The following PCNX2 variants were observed in gnomAD, a reference collection of about 807,000 sequenced individuals.
PCNX2 encodes pecanex-like protein 2.
In PCNX2, 168 loss-of-function variants were observed where a neutral mutation model predicts 223.8. The ratio of observed to expected loss-of-function variants is 0.75; its 90% CI spans 0.66 to 0.85. PCNX2 has a LOEUF of 0.85. Ranked by LOEUF, PCNX2 falls within the 40% of genes least tolerant of loss-of-function variation. The pLI, the probability that PCNX2 is intolerant of heterozygous loss-of-function variation, is 0.00. For synonymous variants in PCNX2, 1,006 were observed against 1,052.6 expected (o/e 0.96, Z 0.86); for missense variants, 2,507 against 2,675.5 (o/e 0.94, Z 1.39).
At chr1:233,073,035 T>A (rs763540190) in intron 23 of PCNX2, among the ~76,000 whole-genome samples, 8 of 152,192 alleles carry the variant, frequency 5.3e-5, no homozygotes, top group African/African-American at 9.6e-5. Context: ...GGGAGTTTTT[T>A]AAAAAATTAC....
At chr1:233,199,695 C>A (rs1300812712) in intron 14 of PCNX2, among the ~76,000 whole-genome samples, 3 of 151,960 alleles carry the variant, frequency 2.0e-5, no homozygotes, top group Admixed American at 2.0e-4. Context: ...GGACACAGAT[C>A]ACCTGTCTCT....
rs1558393810 is a variant in PCNX2, at chr1:233,252,687, T to C, written c.1936A>G (p.Thr646Ala). 2 of 1,613,924 alleles carry C rather than the reference T, an allele frequency of 1.2e-6. No individual in the cohort carries two copies. The highest frequency in any genetic ancestry group is 1.7e-6 in the Non-Finnish European group (2 of 1,179,848). The change falls in exon 6 of 34, where the codon ACT becomes GCT. Residue 646 changes from threonine to alanine, a missense_variant. Physicochemically the swap from Thr to Ala is moderately conservative, Grantham distance 58. Transcript: ENST00000258229. ...GKPDLQSQDH[T>A]STGPACTQPA... ...TGAGTGCATGCGGGGCCGGTGCTAG[T>C]ATGGTCTTGACTTTGCAAATCTGGT...
chr1:233,016,855 A>G (rs1389305659), intron 27 of PCNX2, 66 bp downstream of exon 27: 1 of 1,561,512 alleles, frequency 6.4e-7, no homozygotes, highest in Non-Finnish European at 8.8e-7. Context: ...AAAGAGATGG[A>G]CATGACAATG....
intron 15 of PCNX2, among the ~76,000 whole-genome samples, chr1:233,193,178 A>G (rs76465916): frequency 0.087 from 13,043 of 150,624 alleles, 1,344 homozygotes; most frequent in African/African-American, 0.25. Context: ...ATATTTGTTG[A>G]TTTCTTCATT....
intron 12 of PCNX2, among the ~76,000 whole-genome samples, chr1:233,214,982 G>A (rs567467166): frequency 6.6e-6 from 1 of 152,278 alleles, no homozygotes; most frequent in Admixed American, 6.5e-5. Flanking sequence ...AAAAAGAAAG[G>A]TCTGTCAATC....
chr1:233,230,691 G>A (rs1298546653), intron 9 of PCNX2, among the ~76,000 whole-genome samples: 1 of 152,110 alleles, frequency 6.6e-6, no homozygotes. Context: ...TTGAACTTAG[G>A]TTCTTTTTAA....
intron 23 of PCNX2, among the ~76,000 whole-genome samples, chr1:233,071,393 A>T (rs1226841836): frequency 1.3e-5 from 2 of 152,100 alleles, no homozygotes; most frequent in African/African-American, 4.8e-5. Flanking sequence ...TCCCACTTAT[A>T]AGTGAGAATA....
chr1:233,325,366 G>A, the PCNX2 span, among the ~76,000 whole-genome samples: 1 of 152,016 alleles, frequency 6.6e-6, no homozygotes, highest in Admixed American at 6.6e-5. Context: ...GGAATTAGAC[G>A]TGGAGACTGA....
chr1:233,295,451 G>C lies in PCNX2; in HGVS notation c.28C>G (p.Arg10Gly). MVSQVLQLL[R>G]QGVWAALTGG... is the part of the protein sequence containing the mutation. ...GTGAGCGCGGCCCACACGCCCTGCCGGAGCAGCTGCAGCACCTGGGACACC... is the reference window on the plus strand; with the variant it reads ...GTGAGCGCGGCCCACACGCCCTGCCCGAGCAGCTGCAGCACCTGGGACACC... The change falls in exon 1 of 34, where the codon CGG becomes GGG. Residue 10 changes from arginine to glycine, a missense_variant. Physicochemically the swap from Arg to Gly is moderately radical, Grantham distance 125. This residue lies in a region of PCNX2 where 1,031 missense variants were observed against 1,021.7 expected (regional missense o/e 1.01). Transcript: ENST00000258229. This position sits in a 1 kb window ranked among gnomAD's most constrained non-coding sequence, Gnocchi z 4.1. 2 of 1,550,806 alleles carry C rather than the reference G, an allele frequency of 1.3e-6. No homozygotes were observed. The highest frequency in any genetic ancestry group is 1.7e-6 in the Non-Finnish European group (2 of 1,146,972).
intron 12 of PCNX2, among the ~76,000 whole-genome samples, chr1:233,208,915 CA>C (rs969230387): frequency 1.3e-4 from 18 of 135,266 alleles, no homozygotes; most frequent in African/African-American, 2.1e-4. Context: ...ATGAGACTAT[CA>C]AAAAAAAAAT....
At chr1:233,311,836 A>T in the PCNX2 span, among the ~76,000 whole-genome samples, 1 of 152,158 alleles carries the variant, frequency 6.6e-6, no homozygotes, top group Non-Finnish European at 1.5e-5. Context: ...AAAAATAATT[A>T]CAGCCGGGTG....
At chr1:233,021,588 A>G (rs6424264) in intron 26 of PCNX2, among the ~76,000 whole-genome samples, 116,339 of 152,066 alleles carry the variant, frequency 0.77, 44,816 homozygotes, top group East Asian at 0.93. Context: ...ACTAGCTTGC[A>G]GGGGAGGAGG....
chr1:233,245,689 CG>C lies in PCNX2; in HGVS notation c.2222+5049del, dbSNP rs1405251806. 4.6e-5 allele frequency among the ~76,000 whole-genome samples: 7 copies of C among 152,238 alleles called. No individual in the cohort carries two copies. In the East Asian group the frequency reaches 7.7e-4, roughly 17 times the overall value. Reference sequence around the variant, plus strand: ...CAGCACTTTGAGAGGCCAAGGCAGGCGGATCACGAGGTGAGGAGATTGAGAC... The same window carrying C: ...CAGCACTTTGAGAGGCCAAGGCAGGCGATCACGAGGTGAGGAGATTGAGAC... On this transcript the variant is annotated intron_variant, in intron 8 of 33. Coordinates refer to ENST00000258229, the MANE Select transcript of PCNX2 (RefSeq NM_014801.4).
chr1:233,030,557 G>C (rs943633584), intron 25 of PCNX2, among the ~76,000 whole-genome samples: 3 of 152,154 alleles, frequency 2.0e-5, no homozygotes, highest in Non-Finnish European at 4.4e-5. Context: ...TGTTCTGTCA[G>C]GAAGTTAATT....
At chr1:233,225,646 A>G (rs1657666175) in intron 10 of PCNX2, among the ~76,000 whole-genome samples, 1 of 152,248 alleles carries the variant, frequency 6.6e-6, no homozygotes, top group African/African-American at 2.4e-5. Context: ...CTAGACTTCC[A>G]ATGGATTTCC....
At chr1:233,119,060 G>A (rs1675596462) in intron 21 of PCNX2, among the ~76,000 whole-genome samples, 1 of 152,048 alleles carries the variant, frequency 6.6e-6, no homozygotes, top group African/African-American at 2.4e-5. Context: ...ACACAAACAT[G>A]AGCAACTGAT....
chr1:233,025,419 A>G lies in PCNX2; in HGVS notation c.4352-20T>C. ...AGGTTCCTGGCCGAGCACAAACATG[A>G]AGGAAGTTTGAAGAGAAGGCATGCT... is the stretch of plus-strand genomic sequence containing the variant. On this transcript the variant is annotated intron_variant, in intron 25 of 33. Coordinates refer to ENST00000258229, the MANE Select transcript of PCNX2 (RefSeq NM_014801.4). 6.2e-7 allele frequency: 1 copy of G among 1,611,650 alleles called. No individual in the cohort carries two copies. Among genetic ancestry groups the G allele is most frequent in the Non-Finnish European group, 8.5e-7 (1 of 1,178,190 alleles).
chr1:233,073,490 G>T (rs1005853732), intron 23 of PCNX2, among the ~76,000 whole-genome samples: 1 of 151,898 alleles, frequency 6.6e-6, no homozygotes, highest in South Asian at 2.1e-4. Context: ...TTGAGAAGAG[G>T]TCTCACTATG....
intron 1 of PCNX2, chr1:233,290,848 A>G: frequency 1.0e-6 from 1 of 985,464 alleles, no homozygotes; most frequent in South Asian, 4.7e-5. Flanking sequence ...AACGAAAGAC[A>G]GGCTTTCTGT....
Sources: gnomAD v4.1 joint callset for allele counts (sites outside exome capture counted in the v4.1 genomes callset) on GRCh38, gnomAD v4.1.1 for gene constraint, gnomAD v4.1.1 regional missense constraint, Gnocchi (gnomAD v3.1) non-coding constraint, MANE v1.5 for transcripts, NCBI Gene and HGNC (gene_info 2026-07-23, HGNC 2026-07-21) for gene names.